RHOBTB2: variants seen among roughly 807,000 people sequenced by gnomAD.
The protein encoded by RHOBTB2 is rho-related BTB domain-containing protein 2.
Under a neutral mutation model 66.5 loss-of-function variants are expected in RHOBTB2, and 39 were observed. The ratio of observed to expected loss-of-function variants is 0.59; its 90% confidence interval spans 0.45 to 0.77. The LOEUF (loss-of-function observed/expected upper bound fraction) is 0.77. Ranked by LOEUF, RHOBTB2 falls within the 30% of genes least tolerant of loss-of-function variation. The pLI is 0.00. For synonymous variants in RHOBTB2, 390 were observed against 395.0 expected (o/e 0.99, Z 0.15); for missense variants, 755 against 999.1 (o/e 0.76, Z 3.29).
chr8:22,999,811 C>G lies in RHOBTB2; in HGVS notation c.-305C>G. On this transcript the variant is annotated 5_prime_UTR_variant, in exon 1 of 10. Transcript: ENST00000251822. The stretch of plus-strand genomic sequence containing the variant: ...TGCCTCCGCAGCCCGGCTCCGCGCG[C>G]CGCCGTGACATTGGGCGCCTGGCGC... The G allele has an allele frequency of 1.0e-6, 1 of 983,790 alleles. No individual in the cohort carries two copies. The highest frequency in any genetic ancestry group is 1.2e-6 in the Non-Finnish European group (1 of 829,690). 60.9% of individuals were successfully genotyped at this position (983,790 alleles called of 1,614,324 possible).
At chr8:22,985,970 G>A (rs1810279394), upstream of RHOBTB2, among the ~76,000 whole-genome samples, 1 of 152,202 alleles carries the variant, frequency 6.6e-6, no homozygotes, top group African/African-American at 2.4e-5. Flanking sequence ...GAGCAAGGCT[G>A]GGACCCCTCA....
At chr8:22,994,579 G>C, upstream of RHOBTB2, 1 of 1,551,372 alleles carries the variant, frequency 6.4e-7, no homozygotes, top group South Asian at 1.2e-5. Context: ...AGGGAACACA[G>C]AGCGATGCAA....
At chr8:22,979,979 C>CGATCTATTG in the RHOBTB2 span, among the ~76,000 whole-genome samples, 1 of 151,948 alleles carries the variant, frequency 6.6e-6, no homozygotes, top group African/African-American at 2.4e-5. Flanking sequence ...AGGATAGTCT[C>CGATCTATTG]GATCTATTGA....
chr8:22,978,705 A>C, the RHOBTB2 span, among the ~76,000 whole-genome samples: 1 of 152,136 alleles, frequency 6.6e-6, no homozygotes, highest in Admixed American at 6.5e-5. Context: ...TTCCTTTCTA[A>C]TAAATTATAA....
chr8:23,017,300 T>C lies in RHOBTB2; in HGVS notation c.2015T>C (p.Leu672Pro). 6.2e-7 allele frequency: 1 copy of C among 1,614,124 alleles called. No homozygotes were observed. Among genetic ancestry groups the C allele is most frequent in the Non-Finnish European group, 8.5e-7 (1 of 1,180,018 alleles). ...EKHRWPPVWY[L>P]KEEDHYQRAR... is the part of the protein sequence containing the mutation. ...CATCGGTGGCCACCTGTGTGGTACC[T>C]GAAGGAGGAAGATCATTACCAGCGG... The change falls in exon 10 of 10, where the codon CTG (leucine) becomes CCG (proline). Residue 672 changes from leucine (L) to proline (P), a missense_variant. Coordinates refer to ENST00000251822, the MANE Select transcript of RHOBTB2 (RefSeq NM_015178.3). The surrounding 1 kb of genome is among the most constrained non-coding windows in gnomAD (Gnocchi z 5.3).
the RHOBTB2 span, among the ~76,000 whole-genome samples, chr8:22,968,992 A>G: frequency 1.1e-4 from 17 of 152,332 alleles, no homozygotes; most frequent in South Asian, 3.3e-3. Flanking sequence ...TCAAGCAACA[A>G]ATTAGGTGTA....
At chr8:22,959,467 T>A in the RHOBTB2 span, among the ~76,000 whole-genome samples, 1,135 of 152,234 alleles carry the variant, frequency 7.5e-3, 10 homozygotes, top group South Asian at 0.014. Context: ...TTGGTCAGGC[T>A]GGTCTCCAAC....
At chr8:22,966,442 T>C in the RHOBTB2 span, among the ~76,000 whole-genome samples, 249 of 152,040 alleles carry the variant, frequency 1.6e-3, no homozygotes, top group African/African-American at 5.8e-3. Flanking sequence ...AGGACTTGAA[T>C]AGACATTTTT....
chr8:23,004,718 C>T lies in RHOBTB2; in HGVS notation c.192+92C>T, dbSNP rs1810896660. The T allele has an allele frequency of 1.3e-5, 17 of 1,262,936 alleles. 2 individuals carry two copies. The South Asian group carries it at 1.7e-4, about 13-fold the overall frequency. The allele number at this position is 1,262,936 out of a possible 1,614,324, so 78.2% of individuals were successfully genotyped here. On this transcript the variant is annotated intron_variant, in intron 2 of 9. Coordinates refer to ENST00000251822, the MANE Select transcript of RHOBTB2 (RefSeq NM_015178.3). This position sits in a 1 kb window ranked among gnomAD's most constrained non-coding sequence, Gnocchi z 6.4. ...CATAGCTTGGTGTCTCCAGAGCTCA[C>T]GGGAGCCCTCTAGGGGTGGGACAGG...
chr8:22,959,707 T>G, the RHOBTB2 span, among the ~76,000 whole-genome samples: 3 of 152,166 alleles, frequency 2.0e-5, no homozygotes, highest in Non-Finnish European at 4.4e-5. Context: ...CAAAATCTCA[T>G]GGTCCATCCC....
chr8:22,953,854 T>C, the RHOBTB2 span, among the ~76,000 whole-genome samples: 1 of 152,214 alleles, frequency 6.6e-6, no homozygotes, highest in African/African-American at 2.4e-5. Flanking sequence ...TAGAAGAATG[T>C]GAATGGTTGG....
At chr8:23,008,781 C>T (rs1006270927) in intron 6 of RHOBTB2, among the ~76,000 whole-genome samples, 5 of 152,040 alleles carry the variant, frequency 3.3e-5, no homozygotes, top group African/African-American at 9.7e-5. Flanking sequence ...TAATGTTAGC[C>T]GGCTCTGGGG....
intron 6 of RHOBTB2, 135 bp downstream of exon 6, chr8:23,008,246 A>C: frequency 1.5e-6 from 1 of 656,836 alleles, no homozygotes; most frequent in Non-Finnish European, 2.7e-6. Flanking sequence ...AGAGAGGTTT[A>C]TGAGGTGGTT....
upstream of RHOBTB2, among the ~76,000 whole-genome samples, chr8:22,983,377 G>C (rs1354261866): frequency 1.3e-5 from 2 of 151,448 alleles, no homozygotes; most frequent in African/African-American, 4.8e-5. Context: ...GAAGGAGCAA[G>C]GCCAGGCACA....
In RHOBTB2 at chr8:23,007,047, G is replaced by A. The variant is rs140190863; in HGVS notation, c.802G>A (p.Val268Ile). 33 of 1,609,706 alleles carry A rather than the reference G, an allele frequency of 2.1e-5. No individual in the cohort carries two copies. The African/African-American group carries it at 2.8e-4, about 14-fold the overall frequency. Residue 268 changes from valine (V) to isoleucine (I), a missense_variant, in exon 5 of 10, where the codon GTC becomes ATC. Around this residue, in one of 7 missense-constraint regions of RHOBTB2, gnomAD observed 247 missense variants for 238.9 expected, o/e 1.03. Transcript: ENST00000251822. ...CCTGGAGGACCCGCTCTGCGCGGAC[G>A]TCATCCTGGTGCTGCAGGAGCGGGT... ...HLLEDPLCAD[V>I]ILVLQERVRI... is the part of the protein sequence containing the mutation.
At chr8:23,015,466 GCAT>G (rs1811263891) in intron 8 of RHOBTB2, among the ~76,000 whole-genome samples, 169 bp from the exon 9 acceptor site, 1 of 152,130 alleles carries the variant, frequency 6.6e-6, no homozygotes, top group Admixed American at 6.5e-5. Context: ...GCCTGAGGCA[GCAT>G]CATCATCCTC....
Position 22,999,636 on chromosome 8 carries a change from T to C in RHOBTB2, c.-480T>C. ...TTTTTTCTTTTCTTTTTTTTTTCCC[T>C]ATCCTTTTTTTGTGAATGAAAAAAG... On this transcript the variant is annotated 5_prime_UTR_variant, in exon 1 of 10. Transcript: ENST00000251822. The C allele has an allele frequency of 8.1e-7, 1 of 1,241,312 alleles. No individual in the cohort carries two copies. The highest frequency in any genetic ancestry group is 7.9e-5 in the East Asian group (1 of 12,716). 76.9% of individuals were successfully genotyped at this position (1,241,312 alleles called of 1,614,324 possible). A position where few individuals can be genotyped will look rare whatever the true frequency, so the allele number is the denominator to read the frequency against.
intron 1 of RHOBTB2, among the ~76,000 whole-genome samples, chr8:22,988,923 C>A (rs576195745): frequency 6.6e-6 from 1 of 152,252 alleles, no homozygotes; most frequent in East Asian, 1.9e-4. Context: ...TGATTTGGGC[C>A]CTCTTACCTC....
upstream of RHOBTB2, chr8:22,999,526 C>A (rs1810692507): frequency 9.2e-7 from 1 of 1,087,396 alleles, no homozygotes; most frequent in Non-Finnish European, 1.1e-6. Flanking sequence ...ACGCTTTCCA[C>A]CAACTGCGCG....
Sources: gnomAD v4.1 joint callset for allele counts (sites outside exome capture counted in the v4.1 genomes callset) on GRCh38, gnomAD v4.1.1 for gene constraint, gnomAD v4.1.1 regional missense constraint, Gnocchi (gnomAD v3.1) non-coding constraint, MANE v1.5 for transcripts, NCBI Gene and HGNC (gene_info 2026-07-23, HGNC 2026-07-21) for gene names.